Variants in GCSAML observed in about 807,000 individuals in gnomAD.
GCSAML encodes germinal center-associated signaling and motility-like protein.
In GCSAML, 9 loss-of-function variants were observed where a neutral mutation model predicts 13.0. The observed-to-expected ratio is 0.69, with a 90% CI of 0.42 to 1.21. The LOEUF is 1.21. GCSAML is among the 50% of genes most tolerant of loss of function. The probability of loss-of-function intolerance (pLI) is 0.00; values close to 1 mark genes in which losing one functional copy is unlikely to be tolerated. For missense variants in GCSAML, 143 were observed against 153.4 expected, an observed-to-expected ratio of 0.93 and a Z score of 0.36; for synonymous variants, 37 against 52.9, an observed-to-expected ratio of 0.70 and a Z score of 1.31.
intron 2 of GCSAML, among the ~76,000 whole-genome samples, chr1:247,541,638 G>T (rs564200200): frequency 6.2e-4 from 94 of 152,282 alleles, no homozygotes; most frequent in African/African-American, 2.1e-3. Context: ...GCTGCTTCTT[G>T]AAATAGAAAA....
chr1:247,547,901 G>A (rs927965754), upstream of GCSAML, among the ~76,000 whole-genome samples: 7 of 152,158 alleles, frequency 4.6e-5, no homozygotes, highest in Non-Finnish European at 5.9e-5. Context: ...TGTCACATAC[G>A]AATTAGATAA....
chr1:247,536,629 G>GTT (rs1667228721), intron 2 of GCSAML, among the ~76,000 whole-genome samples: 1 of 152,204 alleles, frequency 6.6e-6, no homozygotes. Flanking sequence ...TATCAGGGGA[G>GTT]TAAAAGTGGA....
At chr1:247,514,162 G>A (rs542485182) in intron 1 of GCSAML, among the ~76,000 whole-genome samples, 25 of 152,200 alleles carry the variant, frequency 1.6e-4, no homozygotes, top group African/African-American at 5.3e-4. Flanking sequence ...TGTGTTTTTC[G>A]TAGGGATAGG....
rs1485680328 is a variant in GCSAML at position 247,575,542 on chromosome 1, A to G, written c.*1160A>G. 2 of 152,166 alleles carry G rather than the reference A, an allele frequency of 1.3e-5. No individual in the cohort carries two copies. Among genetic ancestry groups the G allele is most frequent in the South Asian group, 2.1e-4 (1 of 4,834 alleles). 9.4% of individuals were successfully genotyped at this position (152,166 alleles called of 1,614,324 possible). A position where few individuals can be genotyped will look rare whatever the true frequency, so the allele number is the denominator to read the frequency against. ...TTTTCTATGTACTGGATATTTTTGC[A>G]TATAAACTTGCAGTAATAGTTCAAA... On this transcript the variant is annotated 3_prime_UTR_variant, in exon 5 of 5. Coordinates refer to ENST00000366488, the MANE Select transcript of GCSAML (RefSeq NM_145278.5).
At chr1:247,568,102 AT>A (rs1374621088) in intron 4 of GCSAML, among the ~76,000 whole-genome samples, 1 of 151,824 alleles carries the variant, frequency 6.6e-6, no homozygotes, top group Non-Finnish European at 1.5e-5. Flanking sequence ...AGATTGCAAA[AT>A]TTTTCTCCCA....
chr1:247,565,806 A>G, intron 3 of GCSAML, 125 bp from the exon 4 acceptor site: 1 of 682,030 alleles, frequency 1.5e-6, no homozygotes. Context: ...TGTTTAGATA[A>G]TAGGCCTCTG....
At position 247,574,253 on chromosome 1, in the gene GCSAML, C is replaced by T; in HGVS notation, c.279C>T (p.Asp93=). The T allele has an allele frequency of 6.2e-7, 1 of 1,614,106 alleles. No individual in the cohort carries two copies. Among genetic ancestry groups the T allele is most frequent in the Non-Finnish European group, 8.5e-7 (1 of 1,180,004 alleles). ...SSNDDGYENI[D]SLTRKVRQFR... ...ATGATGATGGCTATGAGAACATTGA[C>T]TCCCTCACAAGGAAAGTGAGACAGT... Residue 93 remains aspartate, a synonymous_variant, in exon 5 of 5, where the codon GAC becomes GAT. Coordinates refer to ENST00000366488, the MANE Select transcript of GCSAML (RefSeq NM_145278.5).
rs1668846246 is a variant in GCSAML at position 247,576,654 on chromosome 1, C to T, written c.*2272C>T. 6.6e-6 allele frequency: 1 copy of T among 152,102 alleles called. No homozygotes were observed. Among genetic ancestry groups the T allele is most frequent in the Admixed American group, 6.5e-5 (1 of 15,268 alleles). The allele number at this position is 152,102 out of a possible 1,614,324, so 9.4% of individuals were successfully genotyped here. On this transcript the variant is annotated 3_prime_UTR_variant, in exon 5 of 5. Coordinates refer to ENST00000366488, the MANE Select transcript of GCSAML (RefSeq NM_145278.5). ...ACAAGCATTAATCAATAGGTGGACT[C>T]CAGATAACTCATTTGCTGTATACAC... is the stretch of plus-strand genomic sequence containing the variant.
chr1:247,559,256 C>T (rs1668046161), intron 2 of GCSAML, among the ~76,000 whole-genome samples: 1 of 152,176 alleles, frequency 6.6e-6, no homozygotes, highest in Non-Finnish European at 1.5e-5. Context: ...TTCAGATATT[C>T]ACTGTCATTA....
intron 2 of GCSAML, chr1:247,531,836 C>A (rs961158096): frequency 7.4e-6 from 12 of 1,614,194 alleles, no homozygotes; most frequent in Admixed American, 1.7e-5. Flanking sequence ...ATCTTCAACA[C>A]GGCCCGGGCA....
intron 2 of GCSAML, chr1:247,531,310 A>C (rs1666941919): frequency 1.9e-6 from 1 of 528,690 alleles, no homozygotes; most frequent in Non-Finnish European, 3.3e-6. Context: ...ACAAGATGAC[A>C]GTCAACATGT....
chr1:247,524,795 C>T (rs973771419), intron 1 of GCSAML: 10 of 152,262 alleles, frequency 6.6e-5, no homozygotes, highest in Admixed American at 3.9e-4. Flanking sequence ...AACGATTCAA[C>T]ACTTATATGA....
intron 4 of GCSAML, among the ~76,000 whole-genome samples, chr1:247,571,029 T>A (rs1180495766): frequency 6.6e-6 from 1 of 152,072 alleles, no homozygotes; most frequent in Non-Finnish European, 1.5e-5. Context: ...CACCACCTGC[T>A]CTTTTTTGCT....
In GCSAML at chr1:247,563,613, G is replaced by C; in HGVS notation, c.113G>C (p.Arg38Thr). ...AGGCAGGAAATGACTACATTTGAAAGAAAACTTCAAGATCAAGATAAGAAA... is the reference window on the plus strand; with the variant it reads ...AGGCAGGAAATGACTACATTTGAAACAAAACTTCAAGATCAAGATAAGAAA... ...RKRQEMTTFE[R>T]KLQDQDKKSQ... The change falls in exon 3 of 5, where the codon AGA becomes ACA. Residue 38 changes from arginine to threonine, a missense_variant. Physicochemically the swap from Arg to Thr is moderately conservative, Grantham distance 71. Coordinates refer to ENST00000366488, the MANE Select transcript of GCSAML (RefSeq NM_145278.5). The C allele has an allele frequency of 1.3e-6, 2 of 1,581,428 alleles. No individual in the cohort carries two copies. The highest frequency in any genetic ancestry group is 1.7e-6 in the Non-Finnish European group (2 of 1,151,666).
chr1:247,531,335 A>C, intron 2 of GCSAML: 1 of 590,602 alleles, frequency 1.7e-6, no homozygotes, highest in Non-Finnish European at 3.0e-6. Context: ...ATATAGCAAA[A>C]ACCAACAACG....
chr1:247,528,653 A>C (rs1023000371), intron 2 of GCSAML: 2 of 152,250 alleles, frequency 1.3e-5, no homozygotes, highest in Non-Finnish European at 2.9e-5. Context: ...CCCAGTGGTC[A>C]AACTACAGGC....
At chr1:247,559,045 C>A (rs1673968280) in intron 2 of GCSAML, among the ~76,000 whole-genome samples, 1 of 152,100 alleles carries the variant, frequency 6.6e-6, no homozygotes, top group South Asian at 2.1e-4. Context: ...TAAAATACTA[C>A]AATTTTAGCT....
chr1:247,512,131 T>A (rs573878094), intron 1 of GCSAML, among the ~76,000 whole-genome samples: 3 of 152,176 alleles, frequency 2.0e-5, no homozygotes, highest in African/African-American at 7.2e-5. Flanking sequence ...TCCCTGTCAC[T>A]TTCAGGTATA....
chr1:247,511,130 C>A (rs957775287), intron 1 of GCSAML, among the ~76,000 whole-genome samples: 2 of 151,704 alleles, frequency 1.3e-5, no homozygotes, highest in Non-Finnish European at 2.9e-5. Context: ...GAGTCTAAGT[C>A]TCTTATTATT....
Sources: gnomAD v4.1 joint callset for allele counts (sites outside exome capture counted in the v4.1 genomes callset) on GRCh38, gnomAD v4.1.1 for gene constraint, MANE v1.5 for transcripts, NCBI Gene and HGNC (gene_info 2026-07-23, HGNC 2026-07-21) for gene names.